Variants in AFAP1 observed in about 807,000 individuals in gnomAD.
The protein encoded by AFAP1 is actin filament associated protein 1.
AFAP1 carries 75 observed loss-of-function variants against 93.9 expected under a neutral mutation model. The ratio of observed to expected loss-of-function variants is 0.80; its 90% CI spans 0.66 to 0.97. The LOEUF (loss-of-function observed/expected upper bound fraction) is 0.97, where lower values mean the gene tolerates loss of function less well. Ranked by LOEUF, AFAP1 falls within the 50% of genes least tolerant of loss-of-function variation. The probability of loss-of-function intolerance (pLI) is 0.00; values close to 1 mark genes in which losing one functional copy is unlikely to be tolerated. For synonymous variants in AFAP1, 517 were observed against 430.7 expected (o/e 1.20, Z -2.48); for missense variants, 1,201 against 1,050.8 (o/e 1.14, Z -1.98).
chr4:7,819,092 T>G lies in AFAP1; in HGVS notation c.806A>C (p.Lys269Thr). The change falls in exon 7 of 18, where the codon AAG (lysine) becomes ACG (threonine). Residue 269 changes from lysine (K) to threonine (T), a missense_variant. Coordinates refer to ENST00000420658, the MANE Select transcript of AFAP1 (RefSeq NM_001134647.2). Reference protein sequence around the residue: ...CPPPPSSPVHKAELEKKLSSE... With the variant: ...CPPPPSSPVHTAELEKKLSSE... ...CGCCCTTACCTTCTCCAGTTCTGCCTTGTGCACCGGGGAGCTTGGTGGAGG... is the reference window on the plus strand; with the variant it reads ...CGCCCTTACCTTCTCCAGTTCTGCCGTGTGCACCGGGGAGCTTGGTGGAGG... 1 of 1,613,022 alleles carries G rather than the reference T, an allele frequency of 6.2e-7. No homozygotes were observed. The highest frequency in any genetic ancestry group is 8.5e-7 in the Non-Finnish European group (1 of 1,179,528).
intron 17 of AFAP1, 101 bp downstream of exon 17, chr4:7,768,743 G>A (rs1364753773): frequency 1.6e-5 from 22 of 1,355,324 alleles, no homozygotes; most frequent in East Asian, 2.7e-5. Context: ...CCAAGTGGAT[G>A]CAGTAGGAAG....
intron 1 of AFAP1, among the ~76,000 whole-genome samples, chr4:7,894,601 G>C (rs1366799554): frequency 1.3e-5 from 2 of 152,160 alleles, no homozygotes; most frequent in Non-Finnish European, 2.9e-5. Context: ...CAGGGAGACA[G>C]AGGGGGCCTG....
chr4:7,890,116 G>A (rs1431174349), intron 1 of AFAP1, among the ~76,000 whole-genome samples: 1 of 151,862 alleles, frequency 6.6e-6, no homozygotes, highest in Non-Finnish European at 1.5e-5. Flanking sequence ...AACAATGTTG[G>A]AACACTTCTA....
chr4:7,847,300 C>A (rs1009858486), intron 4 of AFAP1, among the ~76,000 whole-genome samples: 1 of 151,370 alleles, frequency 6.6e-6, no homozygotes, highest in Non-Finnish European at 1.5e-5. Flanking sequence ...GAGAACTCTC[C>A]GGAAAGTATG....
chr4:7,762,295 G>C lies in AFAP1; in HGVS notation c.*1470C>G, dbSNP rs1713923396. On this transcript the variant is annotated 3_prime_UTR_variant, in exon 18 of 18. Transcript: ENST00000420658. Reference sequence around the variant, plus strand: ...TTTCCCGCCATCTCTTCCTCTGTGTGAAAAAGGACATTCTGGACAGTGGAC... The same window carrying C: ...TTTCCCGCCATCTCTTCCTCTGTGTCAAAAAGGACATTCTGGACAGTGGAC... The C allele has an allele frequency of 1.3e-5, 2 of 152,232 alleles. No individual in the cohort carries two copies. Among genetic ancestry groups the C allele is most frequent in the South Asian group, 2.1e-4 (1 of 4,830 alleles). 9.4% of individuals were successfully genotyped at this position (152,232 alleles called of 1,614,324 possible). A position where few individuals can be genotyped will look rare whatever the true frequency, so the allele number is the denominator to read the frequency against.
chr4:7,821,032 C>G (rs542158236), intron 6 of AFAP1, among the ~76,000 whole-genome samples: 24 of 152,280 alleles, frequency 1.6e-4, no homozygotes, highest in Admixed American at 1.3e-3. Flanking sequence ...GCAGAAGAAT[C>G]TCTTGAACCC....
intron 8 of AFAP1, among the ~76,000 whole-genome samples, chr4:7,813,154 A>T (rs1241098297): frequency 6.6e-6 from 1 of 152,234 alleles, no homozygotes; most frequent in Non-Finnish European, 1.5e-5. Context: ...GTATGAGTTC[A>T]GGATTTTCTC....
chr4:7,774,609 TGA>T (rs760287794), intron 15 of AFAP1, 128 bp downstream of exon 15: 25 of 1,305,542 alleles, frequency 1.9e-5, no homozygotes, highest in Non-Finnish European at 2.6e-5. Context: ...AGAAACACTG[TGA>T]GATAACCCAC....
intron 16 of AFAP1, 33 bp from the exon 17 acceptor site, chr4:7,769,041 C>T (rs775040596): frequency 1.2e-5 from 18 of 1,557,910 alleles, no homozygotes; most frequent in Admixed American, 5.6e-5. Context: ...ATGTGATGAG[C>T]GGTTTCTGGG....
intron 6 of AFAP1, among the ~76,000 whole-genome samples, chr4:7,830,737 G>A (rs1275678630): frequency 4.6e-5 from 7 of 152,014 alleles, no homozygotes; most frequent in Non-Finnish European, 1.0e-4. Flanking sequence ...TGCCCCTCAA[G>A]AAGCTGGGAC....
intron 7 of AFAP1, among the ~76,000 whole-genome samples, chr4:7,818,695 G>C (rs78304706): frequency 0.023 from 3,496 of 152,316 alleles, 123 homozygotes; most frequent in African/African-American, 0.07. Flanking sequence ...AAGGGAGACA[G>C]AGACACATCC....
At chr4:7,770,378 C>G (rs16841150) in intron 16 of AFAP1, among the ~76,000 whole-genome samples, 16,016 of 152,138 alleles carry the variant, frequency 0.11, 1,128 homozygotes, top group East Asian at 0.28. Flanking sequence ...AACATGTCCA[C>G]TGGATGGGAA....
chr4:7,885,029 C>T (rs1223705480), intron 1 of AFAP1, among the ~76,000 whole-genome samples: 4 of 152,278 alleles, frequency 2.6e-5, no homozygotes, highest in East Asian at 3.9e-4. Flanking sequence ...AAAGGCAGGA[C>T]GCTGGAGAAC....
chr4:7,769,074 A>T, intron 16 of AFAP1, 66 bp from the exon 17 acceptor site: 1 of 1,486,702 alleles, frequency 6.7e-7, no homozygotes, highest in Non-Finnish European at 9.0e-7. Context: ...TCCAGCAGGA[A>T]AATGATTTAT....
At chr4:7,884,572 C>T (rs1269922162) in intron 1 of AFAP1, among the ~76,000 whole-genome samples, 1 of 152,130 alleles carries the variant, frequency 6.6e-6, no homozygotes, top group Non-Finnish European at 1.5e-5. Context: ...CCCAAATACA[C>T]ACAGAAATAT....
At chr4:7,785,701 C>G (rs1391241139) in intron 12 of AFAP1, among the ~76,000 whole-genome samples, 1 of 152,178 alleles carries the variant, frequency 6.6e-6, no homozygotes, top group Non-Finnish European at 1.5e-5. Flanking sequence ...CTTTGAAAGT[C>G]TGAGGTGGGA....
intron 5 of AFAP1, among the ~76,000 whole-genome samples, chr4:7,841,560 A>C (rs1713020088): frequency 2.0e-5 from 3 of 152,248 alleles, no homozygotes; most frequent in Non-Finnish European, 2.9e-5. Flanking sequence ...GGGAACATTT[A>C]GGGGAAGAAC....
Position 7,868,620 on chromosome 4 carries a change from A to AC in AFAP1, c.225+1dup. ...CACTGAGATGGTGGGACCTTGACTC[A>AC]CCAGCCAGGGCTGAGGGATCTCCGG... On this transcript the variant is annotated splice_donor_variant, in intron 3 of 17. Coordinates refer to ENST00000420658, the MANE Select transcript of AFAP1 (RefSeq NM_001134647.2). LOFTEE classifies it high-confidence loss of function. The AC allele has an allele frequency of 6.2e-7, 1 of 1,610,748 alleles. No individual in the cohort carries two copies. Among genetic ancestry groups the AC allele is most frequent in the Non-Finnish European group, 8.5e-7 (1 of 1,179,464 alleles).
Position 7,816,115 on chromosome 4 carries a change from G to A in AFAP1, c.823-16C>T. ...AAGACAGTTTCTGTAAGGAGAAAAA[G>A]ATTAAGTTATTCTTACAGTGGTCAC... On this transcript the variant is annotated splice_polypyrimidine_tract_variant and intron_variant, in intron 7 of 17. Coordinates refer to ENST00000420658, the MANE Select transcript of AFAP1 (RefSeq NM_001134647.2). 1 of 1,600,914 alleles carries A rather than the reference G, an allele frequency of 6.2e-7. No individual in the cohort carries two copies. Among genetic ancestry groups the A allele is most frequent in the Non-Finnish European group, 8.5e-7 (1 of 1,172,236 alleles).
Sources: gnomAD v4.1 joint callset for allele counts (sites outside exome capture counted in the v4.1 genomes callset) on GRCh38, gnomAD v4.1.1 for gene constraint, MANE v1.5 for transcripts, NCBI Gene and HGNC (gene_info 2026-07-23, HGNC 2026-07-21) for gene names.